The following CCT4 variants were observed in gnomAD, a reference collection of about 807,000 sequenced individuals.
CCT4 encodes chaperonin containing TCP1 subunit 4, also known as T-complex protein 1 subunit delta.
A neutral mutation model predicts 62.5 loss-of-function variants in CCT4; 17 were observed. The observed-to-expected ratio is 0.27, with a 90% CI of 0.19 to 0.41. CCT4 has a LOEUF of 0.41. Ranked by LOEUF, CCT4 falls within the 10% of genes least tolerant of loss-of-function variation. The pLI is 1.00. For missense variants in CCT4, 592 were observed against 659.2 expected (o/e 0.90, Z 1.12); for synonymous variants, 250 against 229.9 (o/e 1.09, Z -0.79).
chr2:61,879,422 C>T (rs182054919), intron 4 of CCT4, among the ~76,000 whole-genome samples: 15 of 148,128 alleles, frequency 1.0e-4, no homozygotes, highest in African/African-American at 2.2e-4. Context: ...CCACCACACC[C>T]GGCTAATTTT....
Position 61,868,430 on chromosome 2 carries a change from A to C in CCT4, c.*262T>G. 4.6e-6 allele frequency: 2 copies of C among 436,484 alleles called. No individual in the cohort carries two copies. Among genetic ancestry groups the C allele is most frequent in the Admixed American group, 3.6e-5 (1 of 27,572 alleles). The allele number at this position is 436,484 out of a possible 1,614,324, so 27.0% of individuals were successfully genotyped here. ...TCCTCAACATGTAAACTCACTTTTTACGCTTCTTTTATTAGTTTTTATTAG... is the reference window on the plus strand; with the variant it reads ...TCCTCAACATGTAAACTCACTTTTTCCGCTTCTTTTATTAGTTTTTATTAG... On this transcript the variant is annotated 3_prime_UTR_variant, in exon 14 of 14. Transcript: ENST00000394440.
intron 2 of CCT4, among the ~76,000 whole-genome samples, chr2:61,883,817 A>AC (rs1558508350): frequency 3.0e-5 from 4 of 131,256 alleles, no homozygotes; most frequent in African/African-American, 8.0e-5. Flanking sequence ...CACACACACA[A>AC]AAGGAAAAAT....
At chr2:61,879,939 G>T (rs1669077848) in intron 4 of CCT4, among the ~76,000 whole-genome samples, 2 of 151,702 alleles carry the variant, frequency 1.3e-5, no homozygotes, top group South Asian at 4.2e-4. Context: ...TGTTGGTCAG[G>T]CTGGTCTTGA....
chr2:61,871,741 G>C (rs753686270), intron 12 of CCT4, among the ~76,000 whole-genome samples: 6 of 152,188 alleles, frequency 3.9e-5, no homozygotes, highest in Non-Finnish European at 7.3e-5. Context: ...ATCTATCTAA[G>C]AGCTTGTTAA....
chr2:61,880,696 G>GA (rs1347930983), intron 3 of CCT4, among the ~76,000 whole-genome samples: 4 of 152,056 alleles, frequency 2.6e-5, no homozygotes, highest in Admixed American at 6.6e-5. Context: ...CATTCCAGAT[G>GA]AGACTAGAGT....
At chr2:61,868,740 TA>T in intron 13 of CCT4, 34 bp from the exon 14 acceptor site, 1 of 1,496,250 alleles carries the variant, frequency 6.7e-7, no homozygotes, top group Non-Finnish European at 9.3e-7. Context: ...TCAAAACCTG[TA>T]ATGACAGAAT....
At chr2:61,876,708 T>C (rs767275449) in intron 7 of CCT4, among the ~76,000 whole-genome samples, 8 of 152,212 alleles carry the variant, frequency 5.3e-5, no homozygotes, top group Non-Finnish European at 8.8e-5. Context: ...ACAGGCATCG[T>C]TGCAAATGGC....
chr2:61,872,611 T>C, intron 10 of CCT4, 23 bp from the exon 11 acceptor site: 1 of 1,612,644 alleles, frequency 6.2e-7, no homozygotes, highest in Non-Finnish European at 8.5e-7. Flanking sequence ...AATTCCAAAT[T>C]AAGTATTTGA....
chr2:61,882,270 A>C (rs971151360), intron 3 of CCT4, among the ~76,000 whole-genome samples: 3 of 152,196 alleles, frequency 2.0e-5, no homozygotes, highest in Non-Finnish European at 4.4e-5. Flanking sequence ...GTTTTTGCTC[A>C]TATGACTTGA....
intron 3 of CCT4, among the ~76,000 whole-genome samples, chr2:61,882,520 T>C (rs1274787019): frequency 1.3e-5 from 2 of 151,874 alleles, no homozygotes; most frequent in African/African-American, 4.8e-5. Context: ...TGTGTTTCTT[T>C]CTTTTTTTTT....
intron 3 of CCT4, among the ~76,000 whole-genome samples, chr2:61,882,430 T>C (rs1669138801): frequency 6.6e-6 from 1 of 152,176 alleles, no homozygotes; most frequent in Non-Finnish European, 1.5e-5. Context: ...CATGAACTGC[T>C]ATGCACCATA....
chr2:61,873,312 GATT>G lies in CCT4; in HGVS notation c.918-22_918-20del. The G allele has an allele frequency of 7.3e-7, 1 of 1,372,582 alleles. No homozygotes were observed. The highest frequency in any genetic ancestry group is 1.0e-6 in the Non-Finnish European group (1 of 969,280). 85.0% of individuals were successfully genotyped at this position (1,372,582 alleles called of 1,614,324 possible). ...AGCATCTCTAAAATACAAAATCAGT[GATT>G]ATGTCAATGCTAGATTAAAAAAATT... is the stretch of plus-strand genomic sequence containing the variant. On this transcript the variant is annotated intron_variant, in intron 8 of 13. Transcript: ENST00000394440.
intron 1 of CCT4, 182 bp downstream of exon 1, chr2:61,888,199 T>C: frequency 1.4e-6 from 1 of 707,256 alleles, no homozygotes; most frequent in East Asian, 2.9e-5. Flanking sequence ...GCCTCCATAC[T>C]CCGGGTTGGC....
At position 61,879,000 on chromosome 2, in the gene CCT4, T is replaced by C; in HGVS notation, c.391A>G (p.Thr131Ala). ...TTCTGGAATGACTCAGAAATGATGGTTGGATGAATCCCTGTAATTTGTGAA... is the reference window on the plus strand; with the variant it reads ...TTCTGGAATGACTCAGAAATGATGGCTGGATGAATCCCTGTAATTTGTGAA... ...TKLLQKGIHP[T>A]IISESFQKAL... Residue 131 changes from threonine (T) to alanine (A), a missense_variant, in exon 5 of 14, where the codon ACC (threonine) becomes GCC (alanine). By Grantham distance (58) the Thr-to-Ala change is moderately conservative. Transcript: ENST00000394440. 6.2e-7 allele frequency: 1 copy of C among 1,603,876 alleles called. No individual in the cohort carries two copies. Among genetic ancestry groups the C allele is most frequent in the Middle Eastern group, 1.7e-4 (1 of 6,022 alleles).
At chr2:61,870,192 G>T (rs191363318) in intron 12 of CCT4, among the ~76,000 whole-genome samples, 93 of 151,556 alleles carry the variant, frequency 6.1e-4, no homozygotes, top group African/African-American at 2.2e-3. Flanking sequence ...CAGAAGAATC[G>T]CTTGAACCCA....
intron 1 of CCT4, among the ~76,000 whole-genome samples, chr2:61,886,846 G>T (rs765589142): frequency 6.6e-6 from 1 of 151,310 alleles, no homozygotes; most frequent in Non-Finnish European, 1.5e-5. Context: ...GGCAACCTCC[G>T]CCTCCCAGGT....
intron 8 of CCT4, among the ~76,000 whole-genome samples, chr2:61,874,596 G>C (rs947330104): frequency 6.6e-6 from 1 of 151,250 alleles, no homozygotes; most frequent in African/African-American, 2.4e-5. Flanking sequence ...GGGTGACAGA[G>C]TGAGACTGTG....
chr2:61,871,742 A>G (rs1011942325), intron 12 of CCT4, among the ~76,000 whole-genome samples: 2 of 152,226 alleles, frequency 1.3e-5, no homozygotes, highest in African/African-American at 4.8e-5. Context: ...TCTATCTAAG[A>G]GCTTGTTAAC....
chr2:61,870,643 G>A (rs931973855), intron 12 of CCT4, among the ~76,000 whole-genome samples: 17 of 152,106 alleles, frequency 1.1e-4, no homozygotes, highest in Non-Finnish European at 1.9e-4. Context: ...TTTAGGCCCC[G>A]CACCGTGGCT....
Sources: gnomAD v4.1 joint callset for allele counts (sites outside exome capture counted in the v4.1 genomes callset) on GRCh38, gnomAD v4.1.1 for gene constraint, MANE v1.5 for transcripts, NCBI Gene and HGNC (gene_info 2026-07-23, HGNC 2026-07-21) for gene names.